Variants in PDGFRL observed in about 807,000 individuals in gnomAD.
PDGFRL encodes the protein platelet-derived growth factor receptor-like protein.
PDGFRL carries 46 observed loss-of-function variants against 37.2 expected under a neutral mutation model. The observed-to-expected ratio is 1.24, with a 90% CI of 0.98 to 1.58. PDGFRL has a LOEUF of 1.58. Ranked by LOEUF, PDGFRL falls within the 40% of genes most tolerant of loss-of-function variation. The pLI, the probability that PDGFRL is intolerant of heterozygous loss-of-function variation, is 0.00. For synonymous variants in PDGFRL, 251 were observed against 184.3 expected (o/e 1.36, Z -2.93); for missense variants, 692 against 467.6 (o/e 1.48, Z -4.43).
At chr8:17,626,382 C>T (rs796320799) in intron 3 of PDGFRL, among the ~76,000 whole-genome samples, 6 of 152,114 alleles carry the variant, frequency 3.9e-5, no homozygotes, top group South Asian at 2.1e-4. Flanking sequence ...ATGTAAAAGA[C>T]GGAGACTCTC....
intron 2 of PDGFRL, among the ~76,000 whole-genome samples, chr8:17,605,082 G>A (rs932598213): frequency 4.6e-5 from 7 of 152,068 alleles, no homozygotes; most frequent in Admixed American, 1.3e-4. Context: ...ATGCCACTGC[G>A]CTCCAGCTTG....
At chr8:17,591,698 C>A (rs1334481313) in intron 2 of PDGFRL, among the ~76,000 whole-genome samples, 1 of 152,142 alleles carries the variant, frequency 6.6e-6, no homozygotes, top group East Asian at 1.9e-4. Flanking sequence ...GGCGGATCGT[C>A]ATGAGGTCAA....
At chr8:17,586,388 C>T (rs1434306861) in intron 1 of PDGFRL, among the ~76,000 whole-genome samples, 1 of 152,164 alleles carries the variant, frequency 6.6e-6, no homozygotes, top group East Asian at 1.9e-4. Flanking sequence ...AACTCCATGT[C>T]ACATCAAACA....
At chr8:17,576,773 G>C (rs188043737), upstream of PDGFRL, 1,326 of 732,724 alleles carry the variant, frequency 1.8e-3, 2 homozygotes, top group Non-Finnish European at 2.1e-3. Flanking sequence ...GAGTGCATGT[G>C]GGGGAGAGAA....
chr8:17,620,965 C>G (rs1804617804), intron 2 of PDGFRL, 86 bp from the exon 3 acceptor site: 8 of 939,454 alleles, frequency 8.5e-6, no homozygotes, highest in Non-Finnish European at 1.1e-5. Flanking sequence ...GCAAGTCTGC[C>G]CAGAGAACAG....
chr8:17,597,614 T>C (rs1804082266), intron 2 of PDGFRL, among the ~76,000 whole-genome samples: 1 of 152,198 alleles, frequency 6.6e-6, no homozygotes, highest in East Asian at 1.9e-4. Flanking sequence ...TGAATTGATG[T>C]ATCTGGCTTT....
At chr8:17,606,229 A>G (rs1804274067) in intron 2 of PDGFRL, among the ~76,000 whole-genome samples, 1 of 152,164 alleles carries the variant, frequency 6.6e-6, no homozygotes, top group South Asian at 2.1e-4. Context: ...AGAACGTACA[A>G]TTTACCATAT....
rs1563532544 is a variant in PDGFRL at position 17,638,781 on chromosome 8, ATATAT to A, written c.940-3831_940-3827del. 4.2e-3 allele frequency among the ~76,000 whole-genome samples: 425 copies of A among 100,748 alleles called. 10 individuals carry two copies. The highest frequency in any genetic ancestry group is 6.2e-3 in the Non-Finnish European group (314 of 50,294). 66.1% of individuals were successfully genotyped at this position (100,748 alleles called of 152,430 possible). A position where few individuals can be genotyped will look rare whatever the true frequency, so the allele number is the denominator to read the frequency against. On this transcript the variant is annotated intron_variant, in intron 5 of 5. Coordinates refer to ENST00000251630, the MANE Select transcript of PDGFRL (RefSeq NM_001372073.1). ...TATATATATATATATATATATATAT[ATATAT>A]AATTGTGATATTTTCCTGTTGGGCA...
intron 2 of PDGFRL, among the ~76,000 whole-genome samples, chr8:17,616,402 C>T (rs986311795): frequency 6.6e-6 from 1 of 152,036 alleles, no homozygotes; most frequent in Non-Finnish European, 1.5e-5. Flanking sequence ...ACCATGTTGG[C>T]CAGGATGGTC....
At chr8:17,618,909 G>GTTGA (rs1554553244) in intron 2 of PDGFRL, among the ~76,000 whole-genome samples, 2 of 151,326 alleles carry the variant, frequency 1.3e-5, no homozygotes, top group African/African-American at 4.9e-5. Flanking sequence ...ATTCCTGAGA[G>GTTGA]TCGATCCTAA....
chr8:17,611,121 G>A (rs1336361671), intron 2 of PDGFRL, among the ~76,000 whole-genome samples: 1 of 152,178 alleles, frequency 6.6e-6, no homozygotes, highest in Non-Finnish European at 1.5e-5. Context: ...GGAGTCCCCA[G>A]GGATTTCATT....
At chr8:17,617,170 T>C (rs576435251) in intron 2 of PDGFRL, among the ~76,000 whole-genome samples, 98 of 152,290 alleles carry the variant, frequency 6.4e-4, no homozygotes, top group Non-Finnish European at 1.2e-3. Context: ...ACTTTCACTT[T>C]GAAACATGGA....
intron 4 of PDGFRL, among the ~76,000 whole-genome samples, chr8:17,629,646 G>T (rs190063540): frequency 5.3e-5 from 8 of 152,186 alleles, no homozygotes; most frequent in Admixed American, 4.6e-4. Flanking sequence ...GGCCCTGCTT[G>T]TCACTCCATT....
chr8:17,640,948 A>T (rs73571156), intron 5 of PDGFRL, among the ~76,000 whole-genome samples: 1 of 151,824 alleles, frequency 6.6e-6, no homozygotes, highest in Non-Finnish European at 1.5e-5. Flanking sequence ...GGGTCTTGCT[A>T]TGGCTGCTGT....
intron 5 of PDGFRL, among the ~76,000 whole-genome samples, chr8:17,636,833 CCTT>C (rs1296796501): frequency 6.6e-6 from 1 of 152,016 alleles, no homozygotes; most frequent in East Asian, 1.9e-4. Flanking sequence ...TCTTTCACCT[CCTT>C]GATTAGGTAT....
At chr8:17,597,507 C>T (rs968343363) in intron 2 of PDGFRL, among the ~76,000 whole-genome samples, 1 of 151,746 alleles carries the variant, frequency 6.6e-6, no homozygotes, top group Non-Finnish European at 1.5e-5. Flanking sequence ...AACTTTAGAG[C>T]TCTAGGAAGT....
chr8:17,629,600 C>T (rs1341416565), intron 4 of PDGFRL, among the ~76,000 whole-genome samples: 1 of 152,176 alleles, frequency 6.6e-6, no homozygotes, highest in Non-Finnish European at 1.5e-5. Context: ...CCTGTCACTC[C>T]CATGCATTCA....
intron 2 of PDGFRL, among the ~76,000 whole-genome samples, chr8:17,618,486 T>A (rs1349267453): frequency 6.6e-6 from 1 of 152,240 alleles, no homozygotes; most frequent in African/African-American, 2.4e-5. Flanking sequence ...GATAACACAA[T>A]GAATCAGGCA....
chr8:17,630,251 C>T (rs964928985), intron 4 of PDGFRL, among the ~76,000 whole-genome samples: 10 of 152,248 alleles, frequency 6.6e-5, no homozygotes, highest in East Asian at 3.8e-4. Flanking sequence ...TACTCCCTTA[C>T]TCTTGACAGA....
Sources: gnomAD v4.1 joint callset for allele counts (sites outside exome capture counted in the v4.1 genomes callset) on GRCh38, gnomAD v4.1.1 for gene constraint, MANE v1.5 for transcripts, NCBI Gene and HGNC (gene_info 2026-07-23, HGNC 2026-07-21) for gene names.